COX17: variants seen among roughly 807,000 people sequenced by gnomAD.
COX17 encodes the protein cytochrome c oxidase copper chaperone.
In COX17, 1 loss-of-function variant was observed where a neutral mutation model predicts 6.3. The observed-to-expected ratio is 0.16, with a 90% CI of 0.06 to 0.75. The LOEUF is 0.75. Ranked by LOEUF, COX17 falls within the 30% of genes least tolerant of loss-of-function variation. The pLI, the probability that COX17 is intolerant of heterozygous loss-of-function variation, is 0.77. For synonymous variants in COX17, 26 were observed against 30.5 expected (o/e 0.85, Z 0.49); for missense variants, 73 against 81.2 (o/e 0.90, Z 0.39).
intron 3 of COX17, among the ~76,000 whole-genome samples, chr3:119,664,101 G>A (rs1456406691): frequency 6.6e-6 from 1 of 152,158 alleles, no homozygotes; most frequent in Non-Finnish European, 1.5e-5. Context: ...AGTCTATCCC[G>A]GATACTGACT....
chr3:119,672,154 T>C (rs1178083142), intron 2 of COX17, among the ~76,000 whole-genome samples: 1 of 152,220 alleles, frequency 6.6e-6, no homozygotes, highest in African/African-American at 2.4e-5. Flanking sequence ...CTCTATGAAG[T>C]AGTTTGGGCA....
At chr3:119,668,545 C>CTT (rs35724558), downstream of COX17, among the ~76,000 whole-genome samples, 1 of 142,194 alleles carries the variant, frequency 7.0e-6, no homozygotes. Flanking sequence ...ACTTCTATAC[C>CTT]TTTTTTTTTT....
intron 2 of COX17, among the ~76,000 whole-genome samples, chr3:119,670,255 T>C (rs1367043933): frequency 6.6e-6 from 1 of 152,092 alleles, no homozygotes; most frequent in Non-Finnish European, 1.5e-5. Context: ...TTCTCACACC[T>C]CTCCCAGTGC....
intron 3 of COX17, among the ~76,000 whole-genome samples, chr3:119,664,379 G>A (rs1410781652): frequency 6.6e-6 from 1 of 152,142 alleles, no homozygotes; most frequent in African/African-American, 2.4e-5. Context: ...TTTTCCACGA[G>A]AAAACATCAC....
chr3:119,676,839 C>T lies in COX17; in HGVS notation c.107+365G>A, dbSNP rs142423226. The T allele has an allele frequency of 1.7e-3, 1,185 of 702,776 alleles. 11 individuals carry two copies. In the African/African-American group the frequency reaches 0.017, roughly 10 times the overall value. 43.5% of individuals were successfully genotyped at this position (702,776 alleles called of 1,614,324 possible). A position where few individuals can be genotyped will look rare whatever the true frequency, so the allele number is the denominator to read the frequency against. ...TCTTCGGACCTAACGCAGTGCTTAACCCATAACAGATACTCAACACACATT... is the reference window on the plus strand; with the variant it reads ...TCTTCGGACCTAACGCAGTGCTTAATCCATAACAGATACTCAACACACATT... On this transcript the variant is annotated intron_variant, in intron 1 of 2. Coordinates refer to ENST00000261070, the MANE Select transcript of COX17 (RefSeq NM_005694.2).
chr3:119,675,060 C>A, intron 2 of COX17, 85 bp downstream of exon 2: 1 of 933,672 alleles, frequency 1.1e-6, no homozygotes, highest in Non-Finnish European at 1.7e-6. Context: ...TTAGATTAAC[C>A]AGGTGAACTA....
chr3:119,665,241 G>A (rs924521824), downstream of COX17: 1 of 152,204 alleles, frequency 6.6e-6, no homozygotes, highest in Non-Finnish European at 1.5e-5. Flanking sequence ...CTGGTAGATA[G>A]CAGGCCTACC....
chr3:119,664,109 A>G (rs1371529923), intron 3 of COX17, among the ~76,000 whole-genome samples: 1 of 152,242 alleles, frequency 6.6e-6, no homozygotes, highest in East Asian at 1.9e-4. Flanking sequence ...CCGGATACTG[A>G]CTCAGAAACT....
intron 2 of COX17, 41 bp downstream of exon 2, chr3:119,675,104 A>C (rs766731819): frequency 7.3e-7 from 1 of 1,371,374 alleles, no homozygotes; most frequent in Non-Finnish European, 1.0e-6. Flanking sequence ...ATTGTTGCTA[A>C]ATCTGTAAAG....
At chr3:119,665,670 A>G (rs1203244206), downstream of COX17, among the ~76,000 whole-genome samples, 1 of 152,202 alleles carries the variant, frequency 6.6e-6, no homozygotes, top group East Asian at 1.9e-4. Context: ...CACCACACCC[A>G]GCCAAGACTA....
downstream of COX17, among the ~76,000 whole-genome samples, chr3:119,667,726 CACAGAG>C (rs71156764): frequency 0.12 from 12,766 of 107,908 alleles, 584 homozygotes; most frequent in South Asian, 0.16. Flanking sequence ...CACACACACA[CACAGAG>C]AGAGAGAGAC....
At chr3:119,665,131 A>T (rs1260188385), downstream of COX17, 1 of 152,214 alleles carries the variant, frequency 6.6e-6, no homozygotes, top group Non-Finnish European at 1.5e-5. Flanking sequence ...CAAGCACAAT[A>T]TCTCATTCCC....
chr3:119,672,163 C>A (rs1447955889), intron 2 of COX17, among the ~76,000 whole-genome samples: 1 of 152,148 alleles, frequency 6.6e-6, no homozygotes, highest in African/African-American at 2.4e-5. Context: ...GTAGTTTGGG[C>A]ATGTATTATT....
intron 2 of COX17, 114 bp downstream of exon 2, chr3:119,675,031 A>G: frequency 1.4e-6 from 1 of 716,814 alleles, no homozygotes; most frequent in Non-Finnish European, 2.4e-6. Flanking sequence ...TGGTTTTTTC[A>G]AATTGATACT....
chr3:119,672,463 TTA>T (rs2053053884), intron 2 of COX17, among the ~76,000 whole-genome samples: 2 of 152,184 alleles, frequency 1.3e-5, no homozygotes, highest in Non-Finnish European at 2.9e-5. Context: ...GCATTTCTTT[TTA>T]TTTAATCACC....
At chr3:119,676,703 G>A in intron 1 of COX17, 2 of 620,824 alleles carry the variant, frequency 3.2e-6, no homozygotes, top group Non-Finnish European at 5.8e-6. Flanking sequence ...TTCCTGTTTG[G>A]TCTTAACAAA....
downstream of COX17, among the ~76,000 whole-genome samples, chr3:119,665,867 T>C (rs762602329): frequency 2.6e-5 from 4 of 152,256 alleles, no homozygotes; most frequent in Non-Finnish European, 4.4e-5. Context: ...AACAGTTCTC[T>C]GAACATCTGC....
chr3:119,677,097 G>C, intron 1 of COX17, 107 bp downstream of exon 1: 1 of 814,212 alleles, frequency 1.2e-6, no homozygotes, highest in Non-Finnish European at 2.1e-6. Context: ...GAAGGCAGAG[G>C]GCAGAGGGCA....
downstream of COX17, among the ~76,000 whole-genome samples, chr3:119,667,161 C>T (rs1282400015): frequency 1.3e-5 from 2 of 152,104 alleles, no homozygotes; most frequent in Admixed American, 6.5e-5. Context: ...TGAATATATC[C>T]GTATTGAGTT....
Sources: gnomAD v4.1 joint callset for allele counts (sites outside exome capture counted in the v4.1 genomes callset) on GRCh38, gnomAD v4.1.1 for gene constraint, MANE v1.5 for transcripts, NCBI Gene and HGNC (gene_info 2026-07-23, HGNC 2026-07-21) for gene names.